The following FARP2 variants were observed in gnomAD, a reference collection of about 807,000 sequenced individuals.
FARP2 encodes FERM, ARHGEF and pleckstrin domain-containing protein 2.
FARP2 carries 111 observed loss-of-function variants against 130.5 expected under a neutral mutation model. The ratio of observed to expected loss-of-function variants is 0.85; its 90% CI spans 0.73 to 1.00. The LOEUF is 1.00. FARP2 is among the 50% of genes least tolerant of loss of function. The probability of loss-of-function intolerance (pLI) is 0.00; values close to 1 mark genes in which losing one functional copy is unlikely to be tolerated. For synonymous variants in FARP2, 504 were observed against 516.9 expected (o/e 0.98, Z 0.34); for missense variants, 1,385 against 1,346.3 (o/e 1.03, Z -0.45).
chr2:241,451,732 T>G (rs1020601816), intron 13 of FARP2, among the ~76,000 whole-genome samples: 1 of 152,178 alleles, frequency 6.6e-6, no homozygotes, highest in Non-Finnish European at 1.5e-5. Flanking sequence ...AACTTGATAT[T>G]TAGCATTTTA....
chr2:241,364,592 A>G (rs2061262573), intron 1 of FARP2, among the ~76,000 whole-genome samples: 1 of 152,370 alleles, frequency 6.6e-6, no homozygotes, highest in African/African-American at 2.4e-5. Context: ...TCCAAGAAGT[A>G]AAGCTACTCT....
Position 241,413,326 on chromosome 2 carries a change from T to A in FARP2, c.528T>A (p.Asp176Glu). 1 of 1,609,638 alleles carries A rather than the reference T, an allele frequency of 6.2e-7. No homozygotes were observed. Among genetic ancestry groups the A allele is most frequent in the African/African-American group, 1.3e-5 (1 of 75,022 alleles). ...TCTCAGCGGAAATAGGAGATTACGA[T>A]GAAACGCTGGACCGAGAGCACCTCA... ...HLLQSEIGDY[D>E]ETLDREHLKV... The change falls in exon 7 of 27, where the codon GAT becomes GAA. Residue 176 changes from aspartate (D) to glutamate (E), a missense_variant. Transcript: ENST00000264042.
At chr2:241,460,173 C>T (rs528768559) in intron 14 of FARP2, among the ~76,000 whole-genome samples, 2 of 152,352 alleles carry the variant, frequency 1.3e-5, no homozygotes, top group South Asian at 4.1e-4. Flanking sequence ...CCCTGTCCCT[C>T]AGCTGTGTGG....
chr2:241,404,980 G>A (rs1176639307), intron 4 of FARP2, 139 bp downstream of exon 4: 1 of 579,668 alleles, frequency 1.7e-6, no homozygotes, highest in Non-Finnish European at 3.0e-6. Context: ...GGACAAACTT[G>A]GAAGTCATTT....
intron 9 of FARP2, chr2:241,432,259 A>C (rs901267708): frequency 6.6e-6 from 1 of 152,586 alleles, no homozygotes; most frequent in African/African-American, 2.4e-5. Context: ...TTAGGTCTGG[A>C]GGGGCTGAGG....
chr2:241,357,248 G>A (rs1029447416), intron 1 of FARP2, among the ~76,000 whole-genome samples: 2 of 152,200 alleles, frequency 1.3e-5, no homozygotes, highest in Non-Finnish European at 2.9e-5. Flanking sequence ...TTTTGTTTCC[G>A]TGGGATATTT....
chr2:241,463,011 T>C (rs1199521873), intron 15 of FARP2, among the ~76,000 whole-genome samples: 1 of 152,214 alleles, frequency 6.6e-6, no homozygotes, highest in Non-Finnish European at 1.5e-5. Context: ...CTCTTGATAA[T>C]CATGAGACTT....
intron 2 of FARP2, among the ~76,000 whole-genome samples, chr2:241,398,572 CTTTT>C (rs35797376): frequency 7.2e-6 from 1 of 139,324 alleles, no homozygotes; most frequent in Non-Finnish European, 1.6e-5. Context: ...TGTGAACATT[CTTTT>C]TTTTTTTTTT....
At chr2:241,403,126 C>T (rs2062237432) in intron 2 of FARP2, among the ~76,000 whole-genome samples, 1 of 150,488 alleles carries the variant, frequency 6.6e-6, no homozygotes, top group South Asian at 2.1e-4. Context: ...TATTTTTTTT[C>T]TCTTTGTAAT....
At chr2:241,438,334 T>A (rs1190275565) in intron 12 of FARP2, among the ~76,000 whole-genome samples, 2 of 152,104 alleles carry the variant, frequency 1.3e-5, no homozygotes, top group Non-Finnish European at 2.9e-5. Context: ...GCTGGAGGAT[T>A]GCTTGAAGCC....
At chr2:241,477,117 A>G (rs994010869) in intron 19 of FARP2, among the ~76,000 whole-genome samples, 1 of 135,060 alleles carries the variant, frequency 7.4e-6, no homozygotes, top group Admixed American at 8.0e-5. Context: ...AGGTTCATTC[A>G]TGTTCCTTTT....
intron 17 of FARP2, among the ~76,000 whole-genome samples, chr2:241,467,641 C>CAAAAAA (rs397957562): frequency 3.6e-5 from 4 of 112,016 alleles, no homozygotes; most frequent in Non-Finnish European, 7.5e-5. Flanking sequence ...GATCCAGTCT[C>CAAAAAA]AAAAAAAAAA....
chr2:241,462,567 CG>C lies in FARP2; in HGVS notation c.1633del (p.Ala545LeufsTer10), dbSNP rs1392888203. The C allele has an allele frequency of 6.2e-7, 1 of 1,613,800 alleles. No individual in the cohort carries two copies. Among genetic ancestry groups the C allele is most frequent in the Non-Finnish European group, 8.5e-7 (1 of 1,179,772 alleles). On this transcript the variant is annotated frameshift_variant, in exon 15 of 27. Transcript: ENST00000264042. LOFTEE classifies it high-confidence loss of function. The stretch of plus-strand genomic sequence containing the variant: ...CCTACTTCATAGTCAAAGAGATTCT[CG>C]CTACAGAACGAACATACCTCAAGGA... ...EAYFIVKEILATERTYLKDLE... is the reference protein window; with the variant it reads ...EAYFIVKEILXTERTYLKDLE...
chr2:241,445,094 T>G (rs1486058297), intron 13 of FARP2: 1 of 151,970 alleles, frequency 6.6e-6, no homozygotes, highest in African/African-American at 2.4e-5. Flanking sequence ...TGCGCCCAGC[T>G]AATTTTTAAA....
At chr2:241,456,669 G>C in intron 13 of FARP2, 78 bp from the exon 14 acceptor site, 1 of 1,440,506 alleles carries the variant, frequency 6.9e-7, no homozygotes. Flanking sequence ...GAATGGTCAG[G>C]AGAGTAGTAG....
intron 17 of FARP2, among the ~76,000 whole-genome samples, chr2:241,467,510 C>T (rs1248687252): frequency 1.3e-5 from 2 of 151,718 alleles, no homozygotes; most frequent in African/African-American, 2.4e-5. Context: ...ATGAGCCGGG[C>T]GTGGTGGCAC....
intron 19 of FARP2, among the ~76,000 whole-genome samples, chr2:241,476,188 C>T (rs1217444459): frequency 7.8e-6 from 1 of 128,304 alleles, no homozygotes; most frequent in Admixed American, 8.5e-5. Flanking sequence ...GACTGAGCAA[C>T]ACAGGGAAAC....
intron 1 of FARP2, among the ~76,000 whole-genome samples, chr2:241,366,538 A>G (rs1249836811): frequency 3.3e-5 from 5 of 152,092 alleles, no homozygotes; most frequent in African/African-American, 9.7e-5. Flanking sequence ...CTTTGGAACA[A>G]TTAGTCTGTG....
At chr2:241,484,382 C>T (rs1395089953) in intron 21 of FARP2, 51 bp downstream of exon 21, 2 of 1,442,090 alleles carry the variant, frequency 1.4e-6, no homozygotes, top group Non-Finnish European at 2.0e-6. Flanking sequence ...CTGGGCTGGG[C>T]CCCACCTACC....
Sources: gnomAD v4.1 joint callset for allele counts (sites outside exome capture counted in the v4.1 genomes callset) on GRCh38, gnomAD v4.1.1 for gene constraint, MANE v1.5 for transcripts, NCBI Gene and HGNC (gene_info 2026-07-23, HGNC 2026-07-21) for gene names.